The following PIK3CA variants were observed in gnomAD, a reference collection of about 807,000 sequenced individuals.
PIK3CA encodes phosphatidylinositol 4,5-bisphosphate 3-kinase catalytic subunit alpha isoform.
In PIK3CA, 27 loss-of-function variants were observed where a neutral mutation model predicts 138.2. That is an observed-to-expected ratio of 0.20 (90% confidence interval 0.14 to 0.27). The LOEUF (loss-of-function observed/expected upper bound fraction) is 0.27, where lower values mean the gene tolerates loss of function less well. PIK3CA is among the 10% of genes least tolerant of loss of function. The pLI is 1.00. For missense variants in PIK3CA, 544 were observed against 1,277.4 expected, an observed-to-expected ratio of 0.43 and a Z score of 8.75; for synonymous variants, 358 against 413.2, an observed-to-expected ratio of 0.87 and a Z score of 1.62.
At chr3:179,195,875 G>A (rs1181305070) in intron 1 of PIK3CA, among the ~76,000 whole-genome samples, 1 of 152,108 alleles carries the variant, frequency 6.6e-6, no homozygotes, top group African/African-American at 2.4e-5. Flanking sequence ...TGTGAACCCT[G>A]GGGGTAATGG....
chr3:179,207,492 T>TTTA (rs1357831820), intron 6 of PIK3CA, among the ~76,000 whole-genome samples: 1 of 152,096 alleles, frequency 6.6e-6, no homozygotes, highest in African/African-American at 2.4e-5. Context: ...CTTCTAAAGA[T>TTTA]TTAGGAATAA....
intron 17 of PIK3CA, among the ~76,000 whole-genome samples, chr3:179,228,287 T>A (rs1725129712): frequency 6.6e-6 from 1 of 152,128 alleles, no homozygotes; most frequent in East Asian, 1.9e-4. Context: ...TAGTATGGTA[T>A]AATGAAAAGT....
rs193286466 is a variant in PIK3CA at position 179,158,455 on chromosome 3, G to A, written c.-77+9852G>A. ...TTAATAGCACTCTACCATTGAAGCA[G>A]TTTTGTTTTGTGCTGTTAGATACTT... On this transcript the variant is annotated intron_variant, in intron 1 of 20. Transcript: ENST00000263967. Among the ~76,000 whole-genome samples, 436 of 152,064 alleles carry A rather than the reference G, an allele frequency of 2.9e-3. 3 individuals carry two copies. The highest frequency in any genetic ancestry group is 0.027 in the Middle Eastern group (8 of 294).
At chr3:179,167,172 C>T (rs1266301719) in intron 1 of PIK3CA, among the ~76,000 whole-genome samples, 1 of 152,064 alleles carries the variant, frequency 6.6e-6, no homozygotes, top group Non-Finnish European at 1.5e-5. Flanking sequence ...CAGTATTAAG[C>T]TGAAATATAC....
chr3:179,232,009 T>C (rs1725224810), intron 20 of PIK3CA, among the ~76,000 whole-genome samples: 1 of 152,142 alleles, frequency 6.6e-6, no homozygotes, highest in African/African-American at 2.4e-5. Flanking sequence ...TTCTGGATAT[T>C]AGTCCTTTGT....
In PIK3CA at chr3:179,224,706, A is replaced by G. The variant is rs769405239; in HGVS notation, c.2301A>G (p.Glu767=). ...GTTTTTAACTATTTTAAAGGCTTGA[A>G]GAGTGTCGAATTATGTCCTCTGCAA... The part of the protein sequence containing the change: ...PAHQLGNLRL[E]ECRIMSSAKR... Residue 767 remains glutamate, a synonymous_variant, in exon 16 of 21, where the codon GAA becomes GAG. Transcript: ENST00000263967. 4.4e-6 allele frequency: 7 copies of G among 1,603,712 alleles called. No homozygotes were observed. In the East Asian group the frequency reaches 1.3e-4, roughly 31 times the overall value.
intron 1 of PIK3CA, among the ~76,000 whole-genome samples, chr3:179,194,056 T>A (rs976424289): frequency 2.0e-5 from 3 of 152,176 alleles, no homozygotes; most frequent in African/African-American, 7.2e-5. Flanking sequence ...TTTCTTAATT[T>A]TAGGGATTTT....
At chr3:179,227,560 A>G (rs1199565539) in intron 17 of PIK3CA, among the ~76,000 whole-genome samples, 1 of 152,082 alleles carries the variant, frequency 6.6e-6, no homozygotes, top group Admixed American at 6.6e-5. Flanking sequence ...GCCTGTGAAA[A>G]AGCACTTGGA....
At chr3:179,199,640 A>G (rs1298368305) in intron 2 of PIK3CA, 50 bp from the exon 3 acceptor site, 2 of 1,284,858 alleles carry the variant, frequency 1.6e-6, no homozygotes, top group Non-Finnish European at 1.1e-6. Context: ...AAACATGTTC[A>G]TGCTGTGTAT....
chr3:179,216,797 T>C (rs1274734575), intron 9 of PIK3CA, among the ~76,000 whole-genome samples: 1 of 152,178 alleles, frequency 6.6e-6, no homozygotes, highest in Admixed American at 6.5e-5. Flanking sequence ...TTCTGTAAGT[T>C]ATTTTATATT....
intron 1 of PIK3CA, among the ~76,000 whole-genome samples, chr3:179,168,687 A>AT (rs1723477357): frequency 2.0e-5 from 3 of 151,994 alleles, no homozygotes; most frequent in African/African-American, 4.8e-5. Flanking sequence ...TGTTCTAGCA[A>AT]TTTTTTAAAT....
At position 179,235,837 on chromosome 3, in the gene PIK3CA, A is replaced by G. The variant is rs1049121767; in HGVS notation, c.*1473A>G. Reference sequence around the variant, plus strand: ...TAAATACTATTTGAGCACAGGACACATTCTTAAACATTTTGAAAAACATTA... The same window carrying G: ...TAAATACTATTTGAGCACAGGACACGTTCTTAAACATTTTGAAAAACATTA... On this transcript the variant is annotated 3_prime_UTR_variant, in exon 21 of 21. Coordinates refer to ENST00000263967, the MANE Select transcript of PIK3CA (RefSeq NM_006218.4). 1 of 213,094 alleles carries G rather than the reference A, an allele frequency of 4.7e-6. No homozygotes were observed. Among genetic ancestry groups the G allele is most frequent in the Non-Finnish European group, 9.5e-6 (1 of 105,270 alleles). The allele number at this position is 213,094 out of a possible 1,614,324, so 13.2% of individuals were successfully genotyped here.
intron 1 of PIK3CA, among the ~76,000 whole-genome samples, chr3:179,161,760 A>G (rs1221452965): frequency 2.0e-5 from 3 of 152,200 alleles, no homozygotes; most frequent in African/African-American, 4.8e-5. Flanking sequence ...ATGTTTTGAG[A>G]TGCTTGTAAT....
chr3:179,176,281 G>A (rs374101683), intron 1 of PIK3CA, among the ~76,000 whole-genome samples: 4 of 152,188 alleles, frequency 2.6e-5, no homozygotes, highest in East Asian at 3.8e-4. Flanking sequence ...TGGAGTTGGA[G>A]ACCTGGAATT....
intron 1 of PIK3CA, among the ~76,000 whole-genome samples, chr3:179,171,258 C>T (rs1291364448): frequency 6.6e-6 from 1 of 151,962 alleles, no homozygotes; most frequent in Non-Finnish European, 1.5e-5. Context: ...AAAATGAACA[C>T]AAAATGTAAG....
At chr3:179,217,916 CT>C (rs1410085778) in intron 9 of PIK3CA, among the ~76,000 whole-genome samples, 2 of 152,032 alleles carry the variant, frequency 1.3e-5, no homozygotes, top group Non-Finnish European at 2.9e-5. Context: ...CTACCATCCT[CT>C]AGTATCCTAA....
chr3:179,233,999 C>A, intron 20 of PIK3CA, 95 bp from the exon 21 acceptor site: 1 of 816,420 alleles, frequency 1.2e-6, no homozygotes, highest in Non-Finnish European at 1.9e-6. Context: ...GCTTTGTCTA[C>A]GAAAGCCTCT....
At chr3:179,178,858 A>G (rs1273654525) in intron 1 of PIK3CA, among the ~76,000 whole-genome samples, 2 of 152,190 alleles carry the variant, frequency 1.3e-5, no homozygotes, top group South Asian at 2.1e-4. Flanking sequence ...CTGTGACAAT[A>G]CTTGTGAAAT....
chr3:179,149,766 G>A (rs1007959786), intron 1 of PIK3CA: 2 of 152,124 alleles, frequency 1.3e-5, no homozygotes, highest in Non-Finnish European at 2.9e-5. Context: ...TGCGACTTTT[G>A]AACCACTGAG....
Sources: gnomAD v4.1 joint callset for allele counts (sites outside exome capture counted in the v4.1 genomes callset) on GRCh38, gnomAD v4.1.1 for gene constraint, MANE v1.5 for transcripts, NCBI Gene and HGNC (gene_info 2026-07-23, HGNC 2026-07-21) for gene names.